INO80: variants seen among roughly 807,000 people sequenced by gnomAD.
INO80 encodes INO80 complex ATPase subunit, also known as chromatin-remodeling ATPase INO80.
INO80 carries 20 observed loss-of-function variants against 203.4 expected under a neutral mutation model. The ratio of observed to expected loss-of-function variants is 0.10; its 90% confidence interval spans 0.07 to 0.14. INO80 has a LOEUF of 0.14. INO80 is among the 10% of genes least tolerant of loss of function. The probability of loss-of-function intolerance (pLI) is 1.00; values close to 1 mark genes in which losing one functional copy is unlikely to be tolerated. For synonymous variants in INO80, 726 were observed against 685.2 expected, an observed-to-expected ratio of 1.06 and a Z score of -0.93; for missense variants, 1,419 against 1,914.4, an observed-to-expected ratio of 0.74 and a Z score of 4.83.
At chr15:41,026,585 C>A (rs2044378471) in intron 25 of INO80, among the ~76,000 whole-genome samples, 1 of 151,314 alleles carries the variant, frequency 6.6e-6, no homozygotes, top group South Asian at 2.1e-4. Context: ...ACAAAAAAAA[C>A]CAACAAACCT....
chr15:41,078,960 G>A (rs1449124305), intron 9 of INO80, among the ~76,000 whole-genome samples: 1 of 152,146 alleles, frequency 6.6e-6, no homozygotes, highest in Non-Finnish European at 1.5e-5. Flanking sequence ...GGCCAACATA[G>A]TGAAACCCTG....
chr15:41,065,530 C>G (rs1258297387), intron 14 of INO80, among the ~76,000 whole-genome samples: 1 of 152,008 alleles, frequency 6.6e-6, no homozygotes, highest in Non-Finnish European at 1.5e-5. Flanking sequence ...TAGGTACATA[C>G]CCAAAAGAAG....
chr15:41,012,561 T>A (rs766801894), intron 27 of INO80, among the ~76,000 whole-genome samples: 1,492 of 90,862 alleles, frequency 0.016, 38 homozygotes, highest in Non-Finnish European at 0.025. Flanking sequence ...AGACTCTTTT[T>A]AAAAAAAAAA....
At chr15:41,113,730 T>C (rs2140723492) in intron 1 of INO80, among the ~76,000 whole-genome samples, 1 of 152,362 alleles carries the variant, frequency 6.6e-6, no homozygotes, top group South Asian at 2.1e-4. Flanking sequence ...TAACTGGGAC[T>C]ACAGGCTTGA....
intron 32 of INO80, 22 bp from the exon 33 acceptor site, chr15:40,984,374 T>G (rs185094530): frequency 6.2e-7 from 1 of 1,609,616 alleles, no homozygotes; most frequent in East Asian, 2.2e-5. Flanking sequence ...CGGATAAATA[T>G]GGAAAACGTG....
chr15:41,096,075 A>G, intron 2 of INO80, 93 bp downstream of exon 2: 1 of 1,437,548 alleles, frequency 7.0e-7, no homozygotes, highest in East Asian at 2.4e-5. Context: ...TATCAAACAT[A>G]AAAATCATAA....
chr15:41,070,362 T>C (rs1423647231), intron 13 of INO80, 105 bp downstream of exon 13: 4 of 1,004,794 alleles, frequency 4.0e-6, no homozygotes, highest in African/African-American at 3.2e-5. Flanking sequence ...TCCCACTATC[T>C]TGGAATGCTA....
chr15:41,040,727 C>T (rs374563893), intron 24 of INO80, among the ~76,000 whole-genome samples: 3 of 151,706 alleles, frequency 2.0e-5, no homozygotes, highest in East Asian at 3.9e-4. Flanking sequence ...TCCTGAGCTA[C>T]GACTGCATCA....
chr15:40,984,250 C>T lies in INO80; in HGVS notation c.4024G>A (p.Gly1342Arg), dbSNP rs943677279. 6 of 1,613,786 alleles carry T rather than the reference C, an allele frequency of 3.7e-6. No homozygotes were observed. Among genetic ancestry groups the T allele is most frequent in the East Asian group, 2.2e-5 (1 of 44,894 alleles). ...SADNSNLSAD[G>R]DDSFISVDSA... Reference sequence around the variant, plus strand: ...TCCACGCTAATGAAGGAGTCATCTCCGTCAGCAGAGAGGTTGGAGTTATCA... The same window carrying T: ...TCCACGCTAATGAAGGAGTCATCTCTGTCAGCAGAGAGGTTGGAGTTATCA... Residue 1342 changes from glycine (G) to arginine (R), a missense_variant, in exon 33 of 36, where the codon GGA becomes AGA. Physicochemically the swap from Gly to Arg is moderately radical, Grantham distance 125 (BLOSUM62 -2). Coordinates refer to ENST00000648947, the MANE Select transcript of INO80 (RefSeq NM_017553.3).
intron 14 of INO80, among the ~76,000 whole-genome samples, chr15:41,062,937 A>T (rs1377356653): frequency 6.6e-6 from 1 of 152,222 alleles, no homozygotes; most frequent in Non-Finnish European, 1.5e-5. Flanking sequence ...AGAGGGAGGG[A>T]GAGCAGTAAC....
At chr15:41,103,913 G>A (rs940797910) in intron 1 of INO80, among the ~76,000 whole-genome samples, 6 of 151,806 alleles carry the variant, frequency 4.0e-5, no homozygotes, top group African/African-American at 1.5e-4. Context: ...GCGCAAAGAG[G>A]CTCTTTAAAA....
rs748525965 is a variant in INO80, at chr15:41,038,011, C to CTTTTTT, written c.2907+6887_2907+6892dup. ...GCCTCTCTTGCCCCTCTTCCCTTTT[C>CTTTTTT]TTTTTTTTTTTTTTTTTTTTTGAGA... On this transcript the variant is annotated intron_variant, in intron 24 of 35. Transcript: ENST00000648947. 4.9e-3 allele frequency among the ~76,000 whole-genome samples: 438 copies of CTTTTTT among 89,706 alleles called. 2 individuals are homozygous for CTTTTTT. The highest frequency in any genetic ancestry group is 0.02 in the Middle Eastern group (2 of 98). The allele number at this position is 89,706 out of a possible 152,430, so 58.9% of individuals were successfully genotyped here. A position where few individuals can be genotyped will look rare whatever the true frequency, so the allele number is the denominator to read the frequency against.
intron 9 of INO80, among the ~76,000 whole-genome samples, chr15:41,078,509 T>A (rs1194200057): frequency 1.3e-5 from 2 of 152,150 alleles, no homozygotes; most frequent in Non-Finnish European, 2.9e-5. Flanking sequence ...TTACCTTGCA[T>A]GCAAATATAC....
In INO80 at chr15:41,049,307, G is replaced by A; in HGVS notation, c.2556C>T (p.Val852=). 6.2e-7 allele frequency: 1 copy of A among 1,612,764 alleles called. No individual in the cohort carries two copies. The highest frequency in any genetic ancestry group is 1.1e-5 in the South Asian group (1 of 90,874). ...CCTACCTGTCTCGTGAATGATTGAAGACCCTGATCTGTCCATGACGGTAGA... is the reference window on the plus strand; with the variant it reads ...CCTACCTGTCTCGTGAATGATTGAAAACCCTGATCTGTCCATGACGGTAGA... ...KFIYRHGQIR[V]FNHSRDRWLR... is the part of the protein sequence containing the mutation. The change falls in exon 21 of 36, where the codon GTC becomes GTT. Residue 852 remains valine (V), a synonymous_variant. Coordinates refer to ENST00000648947, the MANE Select transcript of INO80 (RefSeq NM_017553.3).
intron 28 of INO80, 68 bp downstream of exon 28, chr15:41,005,525 A>G: frequency 1.3e-6 from 1 of 786,648 alleles, no homozygotes; most frequent in East Asian, 2.6e-5. Context: ...AAAAAAAAAA[A>G]AAACTTACCA....
intron 14 of INO80, among the ~76,000 whole-genome samples, chr15:41,064,159 A>G (rs1219340450): frequency 3.9e-5 from 6 of 152,240 alleles, no homozygotes; most frequent in African/African-American, 1.2e-4. Context: ...ATCAACATAT[A>G]TGCAACACTG....
Position 41,073,467 on chromosome 15 carries a change from C to T in INO80, c.1356G>A (p.Leu452=). The change falls in exon 11 of 36, where the codon CTG becomes CTA. Residue 452 remains leucine (L), a synonymous_variant. Coordinates refer to ENST00000648947, the MANE Select transcript of INO80 (RefSeq NM_017553.3). ...TATGGTAAGCATTTTCAGCATTCTTCAGGGCCTGGGCTTTAAAATGGTTAC... is the reference window on the plus strand; with the variant it reads ...TATGGTAAGCATTTTCAGCATTCTTTAGGGCCTGGGCTTTAAAATGGTTAC... ...YDSNHFKAQA[L]KNAENAYHIH... is the part of the protein sequence containing the mutation. 3.1e-6 allele frequency: 5 copies of T among 1,614,096 alleles called. No homozygotes were observed. Among genetic ancestry groups the T allele is most frequent in the Non-Finnish European group, 4.2e-6 (5 of 1,179,972 alleles).
chr15:41,106,456 CTG>C (rs1449264765), intron 1 of INO80, among the ~76,000 whole-genome samples: 1 of 150,456 alleles, frequency 6.6e-6, no homozygotes, highest in Admixed American at 6.7e-5. Flanking sequence ...CAGTTAAACT[CTG>C]TAAACTCATA....
chr15:41,097,407 A>C (rs957351563), intron 1 of INO80, among the ~76,000 whole-genome samples: 3 of 152,230 alleles, frequency 2.0e-5, no homozygotes. Context: ...AAATACTTAA[A>C]GGGTTACACG....
Sources: gnomAD v4.1 joint callset for allele counts (sites outside exome capture counted in the v4.1 genomes callset) on GRCh38, gnomAD v4.1.1 for gene constraint, MANE v1.5 for transcripts, NCBI Gene and HGNC (gene_info 2026-07-23, HGNC 2026-07-21) for gene names.